The following TMPRSS15 variants were observed in gnomAD, a reference collection of about 807,000 sequenced individuals.
The protein encoded by TMPRSS15 is transmembrane serine protease 15, also known as enteropeptidase.
A neutral mutation model predicts 125.3 loss-of-function variants in TMPRSS15; 128 were observed. The ratio of observed to expected loss-of-function variants is 1.02; its 90% confidence interval spans 0.89 to 1.18. TMPRSS15 has a LOEUF of 1.18. Among genes scored for constraint, TMPRSS15 ranks in the 50% most tolerant of loss-of-function variants. The pLI, the probability that TMPRSS15 is intolerant of heterozygous loss-of-function variation, is 0.00. For missense variants in TMPRSS15, 1,283 were observed against 1,212.7 expected, an observed-to-expected ratio of 1.06 and a Z score of -0.86; for synonymous variants, 446 against 423.2, an observed-to-expected ratio of 1.05 and a Z score of -0.66.
chr21:18,441,148 C>T (rs1331328332), intron 1 of TMPRSS15, among the ~76,000 whole-genome samples: 2 of 151,940 alleles, frequency 1.3e-5, no homozygotes, highest in African/African-American at 2.4e-5. Context: ...CAAAAATGAG[C>T]CAGGTGTGGT....
intron 13 of TMPRSS15, among the ~76,000 whole-genome samples, chr21:18,334,138 T>G (rs2075369652): frequency 6.6e-6 from 1 of 152,192 alleles, no homozygotes; most frequent in Non-Finnish European, 1.5e-5. Context: ...ATGTTCTGCC[T>G]TATTTATGTA....
intron 1 of TMPRSS15, among the ~76,000 whole-genome samples, chr21:18,479,972 A>G (rs574631416): frequency 6.6e-6 from 1 of 152,226 alleles, no homozygotes; most frequent in East Asian, 1.9e-4. Context: ...ACAATAGCAA[A>G]GACTTGGAAC....
At chr21:18,412,411 C>T (rs34172611) in intron 1 of TMPRSS15, among the ~76,000 whole-genome samples, 2,872 of 152,068 alleles carry the variant, frequency 0.019, 75 homozygotes, top group East Asian at 0.11. Flanking sequence ...CTTTTCTAAG[C>T]GAAAGAATAA....
At chr21:18,379,388 T>C (rs1471109441) in intron 4 of TMPRSS15, 70 bp from the exon 5 acceptor site, 22 of 670,078 alleles carry the variant, frequency 3.3e-5, no homozygotes. Flanking sequence ...TATTGTATAT[T>C]CATTCTGTAT....
At chr21:18,427,602 C>T (rs1485314518) in intron 1 of TMPRSS15, among the ~76,000 whole-genome samples, 1 of 152,160 alleles carries the variant, frequency 6.6e-6, no homozygotes, top group East Asian at 1.9e-4. Flanking sequence ...TCAGGACCGA[C>T]CTACTTCCAC....
At chr21:18,476,482 T>G (rs918724178) in intron 1 of TMPRSS15, among the ~76,000 whole-genome samples, 1 of 152,180 alleles carries the variant, frequency 6.6e-6, no homozygotes, top group Non-Finnish European at 1.5e-5. Context: ...TGCAATCTGT[T>G]TAACAGGAGA....
chr21:18,377,661 G>A (rs2075856997), intron 5 of TMPRSS15, among the ~76,000 whole-genome samples: 1 of 152,122 alleles, frequency 6.6e-6, no homozygotes, highest in South Asian at 2.1e-4. Context: ...TTTAGTGATT[G>A]AGAATGTATG....
At chr21:18,433,678 A>AAG (rs1203899761) in intron 1 of TMPRSS15, among the ~76,000 whole-genome samples, 3 of 151,148 alleles carry the variant, frequency 2.0e-5, no homozygotes, top group East Asian at 1.9e-4. Context: ...AAAAAAAAAA[A>AAG]AAAAAAAAGA....
At chr21:18,340,326 A>C (rs970852219) in intron 13 of TMPRSS15, among the ~76,000 whole-genome samples, 1 of 151,966 alleles carries the variant, frequency 6.6e-6, no homozygotes, top group African/African-American at 2.4e-5. Context: ...ATCAGACTCC[A>C]AGTTCTTCAG....
intron 12 of TMPRSS15, among the ~76,000 whole-genome samples, chr21:18,342,577 C>T (rs917532736): frequency 1.3e-5 from 2 of 152,224 alleles, no homozygotes; most frequent in Non-Finnish European, 2.9e-5. Flanking sequence ...ATAGCCACAT[C>T]TGGCCACTGC....
chr21:18,345,439 ATAAT>A, intron 10 of TMPRSS15, among the ~76,000 whole-genome samples: 1 of 152,120 alleles, frequency 6.6e-6, no homozygotes, highest in Admixed American at 6.5e-5. Context: ...TGGGGAAGAA[ATAAT>A]TAAAATACCA....
chr21:18,484,566 T>C (rs1287754499), intron 1 of TMPRSS15, among the ~76,000 whole-genome samples: 3 of 151,826 alleles, frequency 2.0e-5, no homozygotes, highest in Non-Finnish European at 4.4e-5. Context: ...ATCTGTTCTT[T>C]TTTATACCTT....
intron 1 of TMPRSS15, among the ~76,000 whole-genome samples, chr21:18,472,484 C>T (rs1467897009): frequency 2.8e-5 from 4 of 144,260 alleles, no homozygotes; most frequent in Non-Finnish European, 4.5e-5. Context: ...TATATATACA[C>T]ACACACACAC....
intron 1 of TMPRSS15, among the ~76,000 whole-genome samples, chr21:18,452,530 G>A (rs914240077): frequency 4.6e-5 from 7 of 152,150 alleles, no homozygotes; most frequent in African/African-American, 1.7e-4. Flanking sequence ...TCCGGGCATG[G>A]TGGTGGGCAC....
At position 18,457,933 on chromosome 21, in the gene TMPRSS15, A is replaced by G. The variant is rs143869947; in HGVS notation, c.10+27866T>C. ...GGGAGCCCAGAAACTTTTGAGTATA[A>G]TTCTAGAAAAATGAACATCATCTCC... On this transcript the variant is annotated intron_variant, in intron 1 of 7. Transcript: ENST00000422787. 5.6e-3 allele frequency among the ~76,000 whole-genome samples: 852 copies of G among 152,268 alleles called. 7 individuals carry two copies. Among genetic ancestry groups the G allele is most frequent in the African/African-American group, 0.018 (766 of 41,560 alleles).
chr21:18,304,131 T>C (rs2075004440), intron 18 of TMPRSS15, among the ~76,000 whole-genome samples: 1 of 152,088 alleles, frequency 6.6e-6, no homozygotes, highest in African/African-American at 2.4e-5. Flanking sequence ...TATGCCAGGG[T>C]TCGTGGGGGT....
chr21:18,344,136 A>G, intron 10 of TMPRSS15, 76 bp from the exon 11 acceptor site: 1 of 1,241,670 alleles, frequency 8.1e-7, no homozygotes, highest in South Asian at 1.2e-5. Flanking sequence ...CTTTGTAAGC[A>G]GGAAAGAAAA....
At chr21:18,345,757 A>AAAACAAAAAAC (rs2075501649) in intron 10 of TMPRSS15, among the ~76,000 whole-genome samples, 1 of 144,218 alleles carries the variant, frequency 6.9e-6, no homozygotes, top group Admixed American at 7.0e-5. Flanking sequence ...AAAAAAAAAA[A>AAAACAAAAAAC]AAAAATCCAC....
intron 21 of TMPRSS15, among the ~76,000 whole-genome samples, chr21:18,287,537 A>G (rs1449116038): frequency 1.3e-5 from 2 of 152,200 alleles, no homozygotes; most frequent in Admixed American, 6.5e-5. Flanking sequence ...ATTAATTATC[A>G]AAGTAGAGGT....
Sources: gnomAD v4.1 joint callset for allele counts (sites outside exome capture counted in the v4.1 genomes callset) on GRCh38, gnomAD v4.1.1 for gene constraint, MANE v1.5 for transcripts, NCBI Gene and HGNC (gene_info 2026-07-23, HGNC 2026-07-21) for gene names.